The following TRAPPC9 variants were observed in gnomAD, a reference collection of about 807,000 sequenced individuals.
The protein encoded by TRAPPC9 is trafficking protein particle complex subunit 9.
A neutral mutation model predicts 124.0 loss-of-function variants in TRAPPC9; 83 were observed. The observed-to-expected ratio is 0.67, with a 90% CI of 0.56 to 0.80. TRAPPC9 has a LOEUF of 0.80. TRAPPC9 is among the 30% of genes least tolerant of loss of function. TRAPPC9 has a pLI of 0.00. For synonymous variants in TRAPPC9, 638 were observed against 617.5 expected, an observed-to-expected ratio of 1.03 and a Z score of -0.49; for missense variants, 1,302 against 1,508.3, an observed-to-expected ratio of 0.86 and a Z score of 2.27.
intron 17 of TRAPPC9, among the ~76,000 whole-genome samples, chr8:140,065,908 T>C (rs1236001800): frequency 6.6e-6 from 1 of 152,242 alleles, no homozygotes; most frequent in Admixed American, 6.5e-5. Flanking sequence ...AATGTATCTT[T>C]ACATGTACAT....
At chr8:140,147,660 G>A (rs1466767814) in intron 17 of TRAPPC9, among the ~76,000 whole-genome samples, 2 of 152,244 alleles carry the variant, frequency 1.3e-5, no homozygotes, top group Non-Finnish European at 2.9e-5. Context: ...TGAGCATAAT[G>A]ACAGTGATAG....
At chr8:139,867,283 A>T (rs1403067838) in intron 21 of TRAPPC9, among the ~76,000 whole-genome samples, 3 of 152,252 alleles carry the variant, frequency 2.0e-5, no homozygotes, top group Non-Finnish European at 4.4e-5. Context: ...CAAGAGACAC[A>T]GAAGACAGCC....
At chr8:140,233,650 CAT>C (rs2063661484) in intron 16 of TRAPPC9, among the ~76,000 whole-genome samples, 1 of 144,816 alleles carries the variant, frequency 6.9e-6, no homozygotes, top group Non-Finnish European at 1.5e-5. Context: ...CACACACACA[CAT>C]AAACACACCC....
chr8:140,227,356 A>G (rs1289394600), intron 16 of TRAPPC9, among the ~76,000 whole-genome samples: 1 of 152,172 alleles, frequency 6.6e-6, no homozygotes, highest in Non-Finnish European at 1.5e-5. Flanking sequence ...ATTAATAGGA[A>G]GACAGGACAA....
intron 19 of TRAPPC9, among the ~76,000 whole-genome samples, chr8:139,944,322 A>C (rs1834080673): frequency 6.6e-6 from 1 of 152,228 alleles, no homozygotes; most frequent in African/African-American, 2.4e-5. Flanking sequence ...TACTTGGGCA[A>C]ATATAAAATA....
At chr8:140,181,358 C>T (rs531940373) in intron 17 of TRAPPC9, among the ~76,000 whole-genome samples, 32 of 152,158 alleles carry the variant, frequency 2.1e-4, no homozygotes, top group Non-Finnish European at 3.8e-4. Flanking sequence ...CCTCCAGGGT[C>T]CAAATGATTC....
At chr8:140,445,499 G>A (rs1317404983) in intron 2 of TRAPPC9, among the ~76,000 whole-genome samples, 2 of 152,184 alleles carry the variant, frequency 1.3e-5, no homozygotes, top group African/African-American at 2.4e-5. Context: ...CCTGGGTTGT[G>A]AACTCCGAGA....
At chr8:140,186,316 G>C (rs1051437690) in intron 17 of TRAPPC9, among the ~76,000 whole-genome samples, 3 of 152,202 alleles carry the variant, frequency 2.0e-5, no homozygotes, top group African/African-American at 7.2e-5. Context: ...GGGCATGGTG[G>C]CTTATGCCTG....
chr8:140,195,348 C>T (rs2062622135), intron 17 of TRAPPC9, among the ~76,000 whole-genome samples: 1 of 152,026 alleles, frequency 6.6e-6, no homozygotes, highest in South Asian at 2.1e-4. Context: ...AAAACACACT[C>T]AATGATCCAC....
At position 140,291,034 on chromosome 8, in the gene TRAPPC9, C is replaced by A; in HGVS notation, c.1813G>T (p.Val605Leu). The stretch of plus-strand genomic sequence containing the variant: ...AGTTCAAACGGCATTGGGTTATATA[C>A]CATCAGCTGAACTTCACACACATCT... ...QGDVCEVQLM[V>L]YNPMPFELRV... is the part of the protein sequence containing the mutation. The change falls in exon 12 of 23, where the codon GTA becomes TTA. Residue 605 changes from valine (V) to leucine (L), a missense_variant. Transcript: ENST00000438773. 1.2e-6 allele frequency: 2 copies of A among 1,614,210 alleles called. No individual in the cohort carries two copies. Among genetic ancestry groups the A allele is most frequent in the South Asian group, 1.1e-5 (1 of 91,086 alleles).
chr8:140,442,812 G>A (rs2071070070), intron 2 of TRAPPC9, among the ~76,000 whole-genome samples: 1 of 152,032 alleles, frequency 6.6e-6, no homozygotes, highest in Admixed American at 6.5e-5. Context: ...AATCTCTTTT[G>A]CAGGGTCGGG....
At chr8:140,265,771 G>A (rs2064628282) in intron 15 of TRAPPC9, among the ~76,000 whole-genome samples, 1 of 152,178 alleles carries the variant, frequency 6.6e-6, no homozygotes, top group African/African-American at 2.4e-5. Context: ...TAATAACAGA[G>A]GAATTACTGC....
In TRAPPC9 at chr8:139,788,747, C is replaced by A. The variant is rs558506824; in HGVS notation, c.3056-56545G>T. 2.4e-4 allele frequency among the ~76,000 whole-genome samples: 36 copies of A among 152,310 alleles called. No homozygotes were observed. Among genetic ancestry groups the A allele is most frequent in the Admixed American group, 7.2e-4 (11 of 15,308 alleles). On this transcript the variant is annotated intron_variant, in intron 21 of 22. Transcript: ENST00000438773. This position sits in a 1 kb window ranked among gnomAD's most constrained non-coding sequence, Gnocchi z 4.9. ...CGCAGGCTGAGCACAAGGTCCACAG[C>A]CCTCCCTTGACACAAAGTCAACTCA...
chr8:140,307,546 G>A (rs908176705), intron 10 of TRAPPC9, among the ~76,000 whole-genome samples: 1 of 152,134 alleles, frequency 6.6e-6, no homozygotes, highest in Non-Finnish European at 1.5e-5. Context: ...TTCCATAAGC[G>A]CTACAGAAGA....
chr8:140,162,666 C>T (rs183339620), intron 17 of TRAPPC9, among the ~76,000 whole-genome samples: 2 of 152,256 alleles, frequency 1.3e-5, no homozygotes, highest in Non-Finnish European at 2.9e-5. Context: ...AATGTGAATG[C>T]GCTTCTTGCC....
intron 17 of TRAPPC9, among the ~76,000 whole-genome samples, chr8:140,064,224 C>A (rs1211854036): frequency 6.6e-6 from 1 of 152,092 alleles, no homozygotes; most frequent in East Asian, 1.9e-4. Flanking sequence ...TGAAAAATAG[C>A]ATTGTGTTCA....
intron 21 of TRAPPC9, among the ~76,000 whole-genome samples, chr8:139,807,500 T>C (rs1308423788): frequency 2.6e-5 from 4 of 152,144 alleles, no homozygotes; most frequent in Non-Finnish European, 5.9e-5. Flanking sequence ...GGGCGCTTCA[T>C]AAATGTGCTC....
At chr8:140,289,511 G>C (rs1316716737) in intron 12 of TRAPPC9, among the ~76,000 whole-genome samples, 1 of 152,096 alleles carries the variant, frequency 6.6e-6, no homozygotes, top group Non-Finnish European at 1.5e-5. Context: ...ACTATTCCCT[G>C]TAACATTTCA....
At chr8:140,157,495 G>C (rs1011955045) in intron 17 of TRAPPC9, among the ~76,000 whole-genome samples, 2 of 152,248 alleles carry the variant, frequency 1.3e-5, no homozygotes, top group Non-Finnish European at 2.9e-5. Flanking sequence ...GCAGGGGTCT[G>C]GGAAGATTCA....
Sources: allele counts gnomAD v4.1 joint callset (sites outside exome capture counted in the v4.1 genomes callset), GRCh38; gene constraint gnomAD v4.1.1; non-coding constraint Gnocchi (gnomAD v3.1); transcripts MANE v1.5; gene names NCBI Gene and HGNC (gene_info 2026-07-23, HGNC 2026-07-21).